FOCAD: variants seen among roughly 807,000 people sequenced by gnomAD.
The protein encoded by FOCAD is focadhesin.
FOCAD carries 198 observed loss-of-function variants against 225.6 expected under a neutral mutation model. The observed-to-expected ratio is 0.88, with a 90% CI of 0.78 to 0.99. The LOEUF is 0.99. Among genes scored for constraint, FOCAD ranks in the 50% least tolerant of loss-of-function variants. The probability of loss-of-function intolerance (pLI) is 0.00; values close to 1 mark genes in which losing one functional copy is unlikely to be tolerated. For synonymous variants in FOCAD, 897 were observed against 755.0 expected, an observed-to-expected ratio of 1.19 and a Z score of -3.08; for missense variants, 2,713 against 2,123.6, an observed-to-expected ratio of 1.28 and a Z score of -5.46.
intron 1 of FOCAD, among the ~76,000 whole-genome samples, chr9:20,711,893 G>A (rs908461699): frequency 2.6e-5 from 4 of 152,184 alleles, no homozygotes; most frequent in Non-Finnish European, 4.4e-5. Context: ...GATAGCACTC[G>A]AGGAGCAGAG....
intron 35 of FOCAD, among the ~76,000 whole-genome samples, chr9:20,973,784 C>A (rs1316215371): frequency 2.9e-5 from 4 of 137,814 alleles, no homozygotes; most frequent in African/African-American, 8.2e-5. Context: ...CTGATTTTTT[C>A]CTGCTGACTC....
At chr9:20,968,816 C>G (rs1266869445) in intron 35 of FOCAD, among the ~76,000 whole-genome samples, 1 of 152,032 alleles carries the variant, frequency 6.6e-6, no homozygotes, top group Non-Finnish European at 1.5e-5. Context: ...TATATTTGCT[C>G]TTCTTTTTTA....
chr9:20,655,819 A>C (rs903157626), upstream of FOCAD, among the ~76,000 whole-genome samples: 10 of 151,894 alleles, frequency 6.6e-5, no homozygotes, highest in South Asian at 2.1e-4. Flanking sequence ...CTTCTGCTAG[A>C]TTTTGAATGT....
Position 20,946,773 on chromosome 9 carries a change from G to T in FOCAD, c.3628G>T (p.Glu1210Ter). Residue 1210 changes from glutamate (E) to a stop codon, truncating the protein, a stop_gained, in exon 30 of 44, where the codon GAG (glutamate) becomes TAG (stop). Transcript: ENST00000338382. LOFTEE classifies it high-confidence loss of function. The stretch of plus-strand genomic sequence containing the variant: ...TGGAATTATTGAGGCTACAGAGGCT[G>T]AGGATGTTATGAACAAGCTTCGACT... ...SAGIIEATEAEDVMNKLRLLV... is the reference protein window; with the variant it reads ...SAGIIEATEA The T allele has an allele frequency of 6.2e-7, 1 of 1,613,876 alleles. No homozygotes were observed. The highest frequency in any genetic ancestry group is 8.5e-7 in the Non-Finnish European group (1 of 1,179,814).
At chr9:20,724,307 A>T (rs749659959) in intron 4 of FOCAD, among the ~76,000 whole-genome samples, 1 of 152,194 alleles carries the variant, frequency 6.6e-6, no homozygotes, top group Admixed American at 6.5e-5. Flanking sequence ...AATCTTTTAC[A>T]ATAGATAGTG....
intron 18 of FOCAD, among the ~76,000 whole-genome samples, chr9:20,870,642 G>C (rs148689530): frequency 6.6e-6 from 1 of 152,110 alleles, no homozygotes; most frequent in African/African-American, 2.4e-5. Flanking sequence ...GCATCAGATC[G>C]CAGCTCCCAA....
intron 1 of FOCAD, among the ~76,000 whole-genome samples, chr9:20,695,972 C>CT (rs983526090): frequency 6.6e-6 from 1 of 152,178 alleles, no homozygotes; most frequent in Non-Finnish European, 1.5e-5. Context: ...TATCATATAG[C>CT]TTTTTTTAGC....
chr9:20,805,982 G>A (rs777917140), intron 11 of FOCAD, among the ~76,000 whole-genome samples: 1 of 152,136 alleles, frequency 6.6e-6, no homozygotes, highest in Non-Finnish European at 1.5e-5. Flanking sequence ...TGCCTTTGGA[G>A]CAGGTTCATA....
intron 28 of FOCAD, among the ~76,000 whole-genome samples, chr9:20,941,944 A>C (rs1836697976): frequency 1.3e-5 from 2 of 152,232 alleles, no homozygotes; most frequent in Non-Finnish European, 2.9e-5. Context: ...CTGGGGGAAC[A>C]TTTTAAGACT....
intron 5 of FOCAD, among the ~76,000 whole-genome samples, chr9:20,745,887 G>A (rs1828000761): frequency 6.6e-6 from 1 of 152,176 alleles, no homozygotes. Flanking sequence ...ACCCTGAGTA[G>A]ATTAAAGTTA....
chr9:20,754,652 C>T (rs1346313477), intron 5 of FOCAD, among the ~76,000 whole-genome samples: 1 of 151,830 alleles, frequency 6.6e-6, no homozygotes, highest in African/African-American at 2.4e-5. Context: ...TGACCAGGAG[C>T]AATTTTGTCC....
chr9:20,733,332 C>T (rs1009378342), intron 4 of FOCAD, among the ~76,000 whole-genome samples: 3 of 152,094 alleles, frequency 2.0e-5, no homozygotes, highest in African/African-American at 7.2e-5. Context: ...ACTGTCTATC[C>T]AGGAGATCAC....
At chr9:20,791,883 C>T (rs1185875219) in intron 11 of FOCAD, among the ~76,000 whole-genome samples, 1 of 152,010 alleles carries the variant, frequency 6.6e-6, no homozygotes, top group African/African-American at 2.4e-5. Context: ...GCAAAATAGG[C>T]AAAAAATGTA....
At chr9:20,672,576 G>A (rs1293275089) in intron 2 of FOCAD, among the ~76,000 whole-genome samples, 2 of 152,174 alleles carry the variant, frequency 1.3e-5, no homozygotes, top group Non-Finnish European at 2.9e-5. Context: ...TCAGACTCCA[G>A]AGTAGCTGGG....
intron 21 of FOCAD, among the ~76,000 whole-genome samples, chr9:20,901,824 CT>C (rs1258377640): frequency 6.6e-6 from 1 of 151,866 alleles, no homozygotes; most frequent in Non-Finnish European, 1.5e-5. Context: ...ATAATATCTG[CT>C]TTAAAATTTT....
intron 23 of FOCAD, among the ~76,000 whole-genome samples, chr9:20,915,589 G>A (rs1564146341): frequency 6.6e-6 from 1 of 152,092 alleles, no homozygotes; most frequent in African/African-American, 2.4e-5. Context: ...GTTCTAGAAG[G>A]ATCTAGAGAG....
At chr9:20,965,749 C>T (rs542270449) in intron 35 of FOCAD, among the ~76,000 whole-genome samples, 4 of 152,248 alleles carry the variant, frequency 2.6e-5, no homozygotes, top group African/African-American at 9.6e-5. Flanking sequence ...ATGTATTTTC[C>T]TTTCCTTTAA....
At chr9:20,869,489 A>G (rs1829579789) in intron 18 of FOCAD, among the ~76,000 whole-genome samples, 1 of 152,178 alleles carries the variant, frequency 6.6e-6, no homozygotes, top group Non-Finnish European at 1.5e-5. Context: ...TAACTTGTTG[A>G]AAGTTAACAG....
At position 20,909,182 on chromosome 9, in the gene FOCAD, A is replaced by G. The variant is rs1194793237; in HGVS notation, c.2718+1940A>G. 1.3e-5 allele frequency among the ~76,000 whole-genome samples: 2 copies of G among 152,162 alleles called. 1 individual carries two copies. The highest frequency in any genetic ancestry group is 2.9e-5 in the Non-Finnish European group (2 of 68,012). ...TTTAAATAAGAGCTATGGTTTGTTG[A>G]GTAACTAGTGTGTGTCCAGTACTTA... On this transcript the variant is annotated intron_variant, in intron 22 of 43. Transcript: ENST00000338382.
Sources: gnomAD v4.1 joint callset for allele counts (sites outside exome capture counted in the v4.1 genomes callset) on GRCh38, gnomAD v4.1.1 for gene constraint, MANE v1.5 for transcripts, NCBI Gene and HGNC (gene_info 2026-07-23, HGNC 2026-07-21) for gene names.